The following SEZ6 variants were observed in gnomAD, a reference collection of about 807,000 sequenced individuals.
The protein encoded by SEZ6 is seizure related 6 homolog, also known as seizure protein 6 homolog.
Under a neutral mutation model 101.0 loss-of-function variants are expected in SEZ6, and 53 were observed. That is an observed-to-expected ratio of 0.52 (90% CI 0.42 to 0.66). The LOEUF (loss-of-function observed/expected upper bound fraction) is 0.66. SEZ6 is among the 30% of genes least tolerant of loss of function. The pLI is 0.00. For missense variants in SEZ6, 1,102 were observed against 1,289.4 expected (o/e 0.85, Z 2.23); for synonymous variants, 488 against 512.2 (o/e 0.95, Z 0.64).
intron 3 of SEZ6, among the ~76,000 whole-genome samples, chr17:28,971,109 A>G (rs1157437530): frequency 6.6e-6 from 1 of 150,722 alleles, no homozygotes; most frequent in Non-Finnish European, 1.5e-5. Context: ...ATGGCTTGAT[A>G]GAAGGAACAC....
chr17:28,957,069 C>T lies in SEZ6; in HGVS notation c.2668G>A (p.Asp890Asn). 1 of 1,601,678 alleles carries T rather than the reference C, an allele frequency of 6.2e-7. No individual in the cohort carries two copies. Among genetic ancestry groups the T allele is most frequent in the Non-Finnish European group, 8.5e-7 (1 of 1,171,708 alleles). The change falls in exon 13 of 17, where the codon GAC becomes AAC. Residue 890 changes from aspartate (D) to asparagine (N), a missense_variant. Physicochemically the swap from Asp to Asn is conservative, Grantham distance 23 (BLOSUM62 1). Around this residue, in one of 3 missense-constraint regions of SEZ6, gnomAD observed 140 missense variants for 135.7 expected, o/e 1.03. Transcript: ENST00000317338. ...CVPGHPSHWSDPPPICRAASL... is the reference protein window; with the variant it reads ...CVPGHPSHWSNPPPICRAASL... The stretch of plus-strand genomic sequence containing the variant: ...CCAGCCCTACAGATGGGTGGGGGGT[C>T]ACTCCAATGCGAGGGGTGCCCAGGC...
intron 1 of SEZ6, among the ~76,000 whole-genome samples, chr17:28,998,559 T>C (rs1199867144): frequency 2.6e-5 from 4 of 152,282 alleles, no homozygotes; most frequent in African/African-American, 9.6e-5. Flanking sequence ...CCTGTCCTTT[T>C]TCCAGCTCTT....
intron 7 of SEZ6, 64 bp downstream of exon 7, chr17:28,960,441 A>G (rs773375461): frequency 1.3e-6 from 2 of 1,543,244 alleles, no homozygotes; most frequent in Non-Finnish European, 1.7e-6. Context: ...TGTGGGAGAA[A>G]GACCCTAGGC....
At chr17:28,964,303 A>G (rs1423506957) in intron 4 of SEZ6, among the ~76,000 whole-genome samples, 156 bp from the exon 5 acceptor site, 1 of 152,168 alleles carries the variant, frequency 6.6e-6, no homozygotes, top group East Asian at 1.9e-4. Flanking sequence ...TCTCCTCCCT[A>G]GAAGGTTACC....
intron 3 of SEZ6, among the ~76,000 whole-genome samples, chr17:28,970,175 G>A (rs2041131420): frequency 6.6e-6 from 1 of 152,134 alleles, no homozygotes; most frequent in Non-Finnish European, 1.5e-5. Context: ...ATTATCCAAG[G>A]TCACATAGAG....
At chr17:28,956,290 G>C (rs749374289) in intron 15 of SEZ6, 29 bp from the exon 16 acceptor site, 24 of 1,592,566 alleles carry the variant, frequency 1.5e-5, no homozygotes, top group Non-Finnish European at 2.1e-5. Context: ...TGCAAGTCAG[G>C]AGCACTGGGT....
Position 29,005,818 on chromosome 17 carries a change from G to T in SEZ6, c.52C>A (p.His18Asn), listed in dbSNP as rs1434315777. The T allele has an allele frequency of 4.0e-6, 6 of 1,485,778 alleles. No homozygotes were observed. The Admixed American group carries it at 1.1e-4, about 26-fold the overall frequency. The allele number at this position is 1,485,778 out of a possible 1,614,324, so 92.0% of individuals were successfully genotyped here. Residue 18 changes from histidine (H) to asparagine (N), a missense_variant, in exon 1 of 17, where the codon CAC (histidine) becomes AAC (asparagine). Transcript: ENST00000317338. The surrounding 1 kb of genome is among the most constrained non-coding windows in gnomAD (Gnocchi z 4.8). ...LLPSLLALLA[H>N]GLSLEAPTVG... ...GCCGGATGCCGGGGTCCCTTACCGT[G>T]AGCCAGGAGCGCCAGCAGCGAGGGC...
intron 1 of SEZ6, among the ~76,000 whole-genome samples, chr17:29,001,024 C>A (rs1031667456): frequency 1.3e-5 from 2 of 152,130 alleles, no homozygotes; most frequent in Admixed American, 6.5e-5. Context: ...AGCACCCTAT[C>A]CCTGAGCCAC....
chr17:28,960,876 CA>C lies in SEZ6; in HGVS notation c.1337del (p.Leu446ArgfsTer195). ...NYSNNLTCHW[L>X]LEAPEGQRLH... ...GCCGCTGGCCCTCAGGAGCCTCAAG[CA>C]GCCAGTGACAGGTGAGGTTGTTGCT... On this transcript the variant is annotated frameshift_variant, in exon 6 of 17. Transcript: ENST00000317338. LOFTEE classifies it high-confidence loss of function. 2 of 1,613,988 alleles carry C rather than the reference CA, an allele frequency of 1.2e-6. No individual in the cohort carries two copies. Among genetic ancestry groups the C allele is most frequent in the Non-Finnish European group, 1.7e-6 (2 of 1,179,864 alleles).
At chr17:28,958,885 A>G (rs2040926903) in intron 10 of SEZ6, 140 bp downstream of exon 10, 1 of 955,160 alleles carries the variant, frequency 1.0e-6, no homozygotes, top group Non-Finnish European at 1.5e-6. Context: ...GGAGAACAGG[A>G]CTAGCTTCCT....
rs1324488852 is a variant in SEZ6, at chr17:29,005,958, C to G, written c.-89G>C. ...CTTGGGCGCGGGGGCAGAGCCGGGT[C>G]CGGCCGGGTAGAGGGAGCGGGGCCG... On this transcript the variant is annotated 5_prime_UTR_variant, in exon 1 of 17. Coordinates refer to ENST00000317338, the MANE Select transcript of SEZ6 (RefSeq NM_178860.5). This position sits in a 1 kb window ranked among gnomAD's most constrained non-coding sequence, Gnocchi z 4.8. The G allele has an allele frequency of 8.4e-6, 10 of 1,195,328 alleles. No individual in the cohort carries two copies. The highest frequency in any genetic ancestry group is 1.1e-5 in the Non-Finnish European group (10 of 937,112). The allele number at this position is 1,195,328 out of a possible 1,614,324, so 74.0% of individuals were successfully genotyped here.
At chr17:28,960,732 A>C in intron 6 of SEZ6, 61 bp from the exon 7 acceptor site, 1 of 1,611,466 alleles carries the variant, frequency 6.2e-7, no homozygotes, top group Non-Finnish European at 8.5e-7. Flanking sequence ...GTGTGGCCCC[A>C]GGCTTGGGTA....
At chr17:28,964,939 C>A (rs889147590) in intron 4 of SEZ6, among the ~76,000 whole-genome samples, 67 of 152,030 alleles carry the variant, frequency 4.4e-4, no homozygotes, top group African/African-American at 1.6e-3. Context: ...GCCTGTAATC[C>A]CAGCTACGGG....
chr17:28,957,324 C>T (rs1294301614), intron 12 of SEZ6, 24 bp downstream of exon 12: 1 of 1,610,088 alleles, frequency 6.2e-7, no homozygotes, highest in Admixed American at 1.7e-5. Flanking sequence ...TAGAGGTTTT[C>T]CCTCCTACTC....
In SEZ6 at chr17:28,994,997, C is replaced by G. The variant is rs556020731; in HGVS notation, c.55+10818G>C. 1.2e-3 allele frequency among the ~76,000 whole-genome samples: 186 copies of G among 151,980 alleles called. 4 individuals are homozygous for G. The South Asian group carries it at 0.037, about 30-fold the overall frequency. Reference sequence around the variant, plus strand: ...ACTCCGTTCTCCTGCCTCAGCCTCCCGAGTAGCTAGGACTACAGGCACCCA... The same window carrying G: ...ACTCCGTTCTCCTGCCTCAGCCTCCGGAGTAGCTAGGACTACAGGCACCCA... On this transcript the variant is annotated intron_variant, in intron 1 of 16. Transcript: ENST00000317338.
At chr17:28,984,940 A>C (rs2041357193) in intron 1 of SEZ6, among the ~76,000 whole-genome samples, 1 of 152,234 alleles carries the variant, frequency 6.6e-6, no homozygotes, top group African/African-American at 2.4e-5. Context: ...GCCCAGTCTC[A>C]TCAGGCACTA....
intron 1 of SEZ6, among the ~76,000 whole-genome samples, chr17:28,992,398 G>A (rs945192437): frequency 1.3e-5 from 2 of 152,036 alleles, no homozygotes; most frequent in African/African-American, 2.4e-5. Context: ...GCATGAGACC[G>A]GGTGTGTGTG....
Position 28,960,538 on chromosome 17 carries a change from C to T in SEZ6, c.1543G>A (p.Gly515Arg), listed in dbSNP as rs747915192. The T allele has an allele frequency of 1.8e-5, 28 of 1,593,200 alleles. No individual in the cohort carries two copies. Among genetic ancestry groups the T allele is most frequent in the South Asian group, 4.6e-5 (4 of 87,478 alleles). Residue 515 changes from glycine (G) to arginine (R), a missense_variant, in exon 7 of 17, where the codon GGG (glycine) becomes AGG (arginine). This residue lies in a region of SEZ6 where 556 missense variants were observed against 735.1 expected (regional missense o/e 0.76). Coordinates refer to ENST00000317338, the MANE Select transcript of SEZ6 (RefSeq NM_178860.5). ...FFVELSTDSS[G>R]AAAGMALRYE... ...CGCAGGGCCATGCCTGCAGCTGCCC[C>T]GCTGCTGTCAGTACTGAGCTCAACA...
chr17:29,004,704 T>C (rs563541194), intron 1 of SEZ6, among the ~76,000 whole-genome samples: 1 of 152,216 alleles, frequency 6.6e-6, no homozygotes, highest in Admixed American at 6.5e-5. Context: ...TCAAACCATA[T>C]GGCAAGGGAT....
Sources: gnomAD v4.1 joint callset for allele counts (sites outside exome capture counted in the v4.1 genomes callset) on GRCh38, gnomAD v4.1.1 for gene constraint, gnomAD v4.1.1 regional missense constraint, Gnocchi (gnomAD v3.1) non-coding constraint, MANE v1.5 for transcripts, NCBI Gene and HGNC (gene_info 2026-07-23, HGNC 2026-07-21) for gene names.